Variants in MAP2K2 observed in about 807,000 individuals in gnomAD.
MAP2K2 encodes the protein dual specificity mitogen-activated protein kinase kinase 2.
MAP2K2 carries 24 observed loss-of-function variants against 43.7 expected under a neutral mutation model. That is an observed-to-expected ratio of 0.55 (90% CI 0.40 to 0.77). MAP2K2 has a LOEUF of 0.77. MAP2K2 is among the 30% of genes least tolerant of loss of function. The pLI is 0.00. For synonymous variants in MAP2K2, 244 were observed against 239.7 expected (o/e 1.02, Z -0.17); for missense variants, 470 against 566.8 (o/e 0.83, Z 1.73).
At chr19:4,121,134 C>T (rs1325677527) in intron 1 of MAP2K2, among the ~76,000 whole-genome samples, 1 of 151,586 alleles carries the variant, frequency 6.6e-6, no homozygotes, top group African/African-American at 2.4e-5. Flanking sequence ...AGTGTGTGCC[C>T]CCAACACCCA....
At position 4,102,235 on chromosome 19, in the gene MAP2K2, G is replaced by A. The variant is rs547387009; in HGVS notation, c.528+141C>T. The A allele has an allele frequency of 2.2e-4, 164 of 734,008 alleles. No homozygotes were observed. In the Middle Eastern group the frequency reaches 2.7e-3, roughly 12 times the overall value. The allele number at this position is 734,008 out of a possible 1,614,324, so 45.5% of individuals were successfully genotyped here. A position where few individuals can be genotyped will look rare whatever the true frequency, so the allele number is the denominator to read the frequency against. Reference sequence around the variant, plus strand: ...ACTTGTTCAAGCTCCACAGCAGGTGGGCACAGCCTTGGCCACTCTCTTTCT... The same window carrying A: ...ACTTGTTCAAGCTCCACAGCAGGTGAGCACAGCCTTGGCCACTCTCTTTCT... On this transcript the variant is annotated intron_variant, in intron 4 of 10. Transcript: ENST00000262948.
chr19:4,113,350 G>A (rs992624121), intron 2 of MAP2K2, among the ~76,000 whole-genome samples: 8 of 152,154 alleles, frequency 5.3e-5, no homozygotes, highest in African/African-American at 1.9e-4. Flanking sequence ...GGGGCCTGTC[G>A]AGCGAGCATT....
At chr19:4,102,748 G>A (rs541765074) in intron 3 of MAP2K2, 2 of 1,298,726 alleles carry the variant, frequency 1.5e-6, no homozygotes, top group Admixed American at 3.1e-5. Flanking sequence ...CAGAGGCTCT[G>A]CTCCGGGCCA....
In MAP2K2 at chr19:4,101,295, G is replaced by A. The variant is rs778783152; in HGVS notation, c.529-15C>T. On this transcript the variant is annotated splice_polypyrimidine_tract_variant and intron_variant, in intron 4 of 10. Transcript: ENST00000262948. This position sits in a 1 kb window ranked among gnomAD's most constrained non-coding sequence, Gnocchi z 6.3. ...CCCCGGAGAACCTGCAGGGGAGCGC[G>A]GAGGGAGTCACGGGACAAGGCCACC... 165 of 1,572,436 alleles carry A rather than the reference G, an allele frequency of 1.0e-4. 1 individual carries two copies. The highest frequency in any genetic ancestry group is 7.0e-5 in the South Asian group (6 of 85,604).
At position 4,101,095 on chromosome 19, in the gene MAP2K2, A is replaced by G. The variant is rs1400901853; in HGVS notation, c.629T>C (p.Leu210Pro). Residue 210 changes from leucine to proline, a missense_variant, in exon 6 of 11, where the codon CTG becomes CCG. Leu to Pro is a moderately conservative substitution (Grantham distance 98, BLOSUM62 -3). Transcript: ENST00000262948. The surrounding 1 kb of genome is among the most constrained non-coding windows in gnomAD (Gnocchi z 6.3). ...ILVNSRGEIKLCDFGVSGQLI... is the reference protein window; with the variant it reads ...ILVNSRGEIKPCDFGVSGQLI... ...CTGGCCGCTCACCCCGAAGTCACAC[A>G]GCTTGATCTCCCCTCTAGAGTTCAC... 6.2e-7 allele frequency: 1 copy of G among 1,604,988 alleles called. No individual in the cohort carries two copies. Among genetic ancestry groups the G allele is most frequent in the Admixed American group, 1.7e-5 (1 of 58,826 alleles).
At chr19:4,093,193 G>A (rs1303588196) in intron 10 of MAP2K2, among the ~76,000 whole-genome samples, 1 of 152,114 alleles carries the variant, frequency 6.6e-6, no homozygotes, top group Non-Finnish European at 1.5e-5. Context: ...ACTCCAACCT[G>A]GGTGACAAGA....
rs137933818 is a variant in MAP2K2, at chr19:4,102,554, C to T, written c.451-101G>A. On this transcript the variant is annotated intron_variant, in intron 3 of 10. Transcript: ENST00000262948. ...GGCGAGGGGGTGGTCTGCCTCCTGA[C>T]GGGAAGCAGGGGCCGGAGCCCAACT... The T allele has an allele frequency of 4.6e-3, 4,763 of 1,030,664 alleles. 13 individuals carry two copies. Among genetic ancestry groups the T allele is most frequent in the Non-Finnish European group, 5.5e-3 (3,758 of 684,194 alleles). 63.8% of individuals were successfully genotyped at this position (1,030,664 alleles called of 1,614,324 possible).
In MAP2K2 at chr19:4,117,418, C is replaced by T. The variant is rs747238916; in HGVS notation, c.303+1G>A. ...GACCTCCCCGACCCCGCAGTGCTCACCTTCCTGGCCATGATGAGGCCCGAG... is the reference window on the plus strand; with the variant it reads ...GACCTCCCCGACCCCGCAGTGCTCATCTTCCTGGCCATGATGAGGCCCGAG... On this transcript the variant is annotated splice_donor_variant, in intron 2 of 10. Coordinates refer to ENST00000262948, the MANE Select transcript of MAP2K2 (RefSeq NM_030662.4). LOFTEE classifies it high-confidence loss of function. 3 of 1,612,834 alleles carry T rather than the reference C, an allele frequency of 1.9e-6. No individual in the cohort carries two copies. Among genetic ancestry groups the T allele is most frequent in the Non-Finnish European group, 2.5e-6 (3 of 1,180,016 alleles).
chr19:4,123,211 G>A (rs187874439), intron 1 of MAP2K2, among the ~76,000 whole-genome samples: 8 of 151,000 alleles, frequency 5.3e-5, no homozygotes, highest in African/African-American at 2.0e-4. Context: ...ACTGCTTGGG[G>A]AGCCTCATCC....
rs1013718472 is a variant in MAP2K2 at position 4,117,652 on chromosome 19, G to T, written c.93-23C>A. The stretch of plus-strand genomic sequence containing the variant: ...GCCCTGCAGAGACCCCCCAGGGTAG[G>T]GGTTAGCTACCTAGGGAGACTCCAT... On this transcript the variant is annotated intron_variant, in intron 1 of 10. Transcript: ENST00000262948. 7 of 1,608,976 alleles carry T rather than the reference G, an allele frequency of 4.4e-6. No individual in the cohort carries two copies. The African/African-American group carries it at 9.4e-5, about 21-fold the overall frequency.
rs1409158975 is a variant in MAP2K2, at chr19:4,115,370, C to G, written c.303+2049G>C. Among the ~76,000 whole-genome samples, 1 of 152,198 alleles carries G rather than the reference C, an allele frequency of 6.6e-6. No individual in the cohort carries two copies. The highest frequency in any genetic ancestry group is 1.9e-4 in the East Asian group (1 of 5,190). On this transcript the variant is annotated intron_variant, in intron 2 of 10. Transcript: ENST00000262948. This position sits in a 1 kb window ranked among gnomAD's most constrained non-coding sequence, Gnocchi z 4.1. ...GCAGGAGCAGGAGCTGCTGATACAG[C>G]AAGCATTGGGTTCATGTCCACTGCC... is the stretch of plus-strand genomic sequence containing the variant.
chr19:4,123,659 C>T lies in MAP2K2; in HGVS notation c.92+125G>A, dbSNP rs564222514. 344 of 570,052 alleles carry T rather than the reference C, an allele frequency of 6.0e-4. 6 individuals are homozygous for T. The East Asian group carries it at 0.011, about 18-fold the overall frequency. The allele number at this position is 570,052 out of a possible 1,614,324, so 35.3% of individuals were successfully genotyped here. On this transcript the variant is annotated intron_variant, in intron 1 of 10. Coordinates refer to ENST00000262948, the MANE Select transcript of MAP2K2 (RefSeq NM_030662.4). ...CCCCTGCCCCGTGCACCACTCACCC[C>T]GTCCTCCCCCGTGACCCCCCTGCCT...
chr19:4,101,278 A>G lies in MAP2K2; in HGVS notation c.531T>C (p.Val177=), dbSNP rs528169616. 8 of 1,581,246 alleles carry G rather than the reference A, an allele frequency of 5.1e-6. No individual in the cohort carries two copies. The East Asian group carries it at 1.8e-4, about 37-fold the overall frequency. The change falls in exon 5 of 11, where the codon GTT becomes GTC. Residue 177 remains valine, a splice_region_variant and synonymous_variant. Transcript: ENST00000262948. The surrounding 1 kb of genome is among the most constrained non-coding windows in gnomAD (Gnocchi z 6.3). The part of the protein sequence containing the change: ...EEILGKVSIA[V]LRGLAYLREK... ...CTCGGAGGTACGCCAAGCCCCGGAG[A>G]ACCTGCAGGGGAGCGCGGAGGGAGT...
At chr19:4,110,288 CAG>C (rs1224096104) in intron 3 of MAP2K2, among the ~76,000 whole-genome samples, 2 of 152,054 alleles carry the variant, frequency 1.3e-5, no homozygotes, top group African/African-American at 2.4e-5. Flanking sequence ...GCCTGAGTGA[CAG>C]AGTGAGACTG....
chr19:4,110,342 CATCTACAT>C (rs1483508233), intron 3 of MAP2K2, among the ~76,000 whole-genome samples, 159 bp downstream of exon 3: 1 of 152,126 alleles, frequency 6.6e-6, no homozygotes, highest in Non-Finnish European at 1.5e-5. Context: ...AAACCAAAGG[CATCTACAT>C]ATACATACTT....
chr19:4,102,513 G>T (rs951636079), intron 3 of MAP2K2, 60 bp from the exon 4 acceptor site: 2 of 1,297,142 alleles, frequency 1.5e-6, no homozygotes, highest in African/African-American at 2.9e-5. Context: ...AGCCACGGAT[G>T]CGTCCCCCCA....
chr19:4,098,995 A>C (rs548322665), intron 7 of MAP2K2, among the ~76,000 whole-genome samples: 1 of 152,324 alleles, frequency 6.6e-6, no homozygotes, highest in South Asian at 2.1e-4. Flanking sequence ...GCTGCCCCGG[A>C]CAGAACAGGT....
intron 6 of MAP2K2, 127 bp downstream of exon 6, chr19:4,100,892 G>T: frequency 9.0e-7 from 1 of 1,116,028 alleles, no homozygotes; most frequent in Non-Finnish European, 1.3e-6. Context: ...GAACTGGGAG[G>T]GACAGCTGCG....
At chr19:4,111,024 G>A (rs540061005) in intron 2 of MAP2K2, among the ~76,000 whole-genome samples, 3 of 152,260 alleles carry the variant, frequency 2.0e-5, no homozygotes, top group African/African-American at 4.8e-5. Context: ...TGCTTAGTGC[G>A]AGATGCCAGA....
Sources: gnomAD v4.1 joint callset for allele counts (sites outside exome capture counted in the v4.1 genomes callset) on GRCh38, gnomAD v4.1.1 for gene constraint, Gnocchi (gnomAD v3.1) non-coding constraint, MANE v1.5 for transcripts, NCBI Gene and HGNC (gene_info 2026-07-23, HGNC 2026-07-21) for gene names.